The following SPOCK1 variants were observed in gnomAD, a reference collection of about 807,000 sequenced individuals.
SPOCK1 encodes SPARC (osteonectin), cwcv and kazal like domains proteoglycan 1.
Under a neutral mutation model 55.3 loss-of-function variants are expected in SPOCK1, and 23 were observed. That is an observed-to-expected ratio of 0.42 (90% CI 0.30 to 0.59). The LOEUF is 0.59. Among genes scored for constraint, SPOCK1 ranks in the 20% least tolerant of loss-of-function variants. The pLI, the probability that SPOCK1 is intolerant of heterozygous loss-of-function variation, is 0.22. For missense variants in SPOCK1, 499 were observed against 552.5 expected, an observed-to-expected ratio of 0.90 and a Z score of 0.97; for synonymous variants, 226 against 221.0, an observed-to-expected ratio of 1.02 and a Z score of -0.20.
chr5:137,438,991 T>G (rs984482641), intron 2 of SPOCK1, among the ~76,000 whole-genome samples: 4 of 152,220 alleles, frequency 2.6e-5, no homozygotes, highest in Admixed American at 6.5e-5. Flanking sequence ...GCACACACTT[T>G]GGAGTCAGAT....
chr5:137,027,774 T>C (rs1751705640), intron 6 of SPOCK1, among the ~76,000 whole-genome samples: 2 of 151,934 alleles, frequency 1.3e-5, no homozygotes, highest in Admixed American at 6.6e-5. Context: ...CCTGCCCCCA[T>C]ACACACCACC....
chr5:137,113,090 A>G (rs1163771899), intron 4 of SPOCK1, among the ~76,000 whole-genome samples: 1 of 152,200 alleles, frequency 6.6e-6, no homozygotes, highest in East Asian at 1.9e-4. Context: ...TTTTAAAGTA[A>G]TTTCAGTCCA....
At chr5:137,425,034 T>G (rs1362407747) in intron 2 of SPOCK1, among the ~76,000 whole-genome samples, 2 of 152,246 alleles carry the variant, frequency 1.3e-5, no homozygotes, top group Non-Finnish European at 2.9e-5. Flanking sequence ...AAGCTTCCCA[T>G]TCTAGAACTT....
At chr5:137,159,909 T>C (rs1446894050) in intron 3 of SPOCK1, among the ~76,000 whole-genome samples, 1 of 152,184 alleles carries the variant, frequency 6.6e-6, no homozygotes, top group Non-Finnish European at 1.5e-5. Flanking sequence ...TCCATGTCTA[T>C]ATTTTATTGG....
intron 3 of SPOCK1, among the ~76,000 whole-genome samples, chr5:137,189,381 A>G (rs1482496706): frequency 2.0e-5 from 3 of 152,234 alleles, no homozygotes; most frequent in African/African-American, 7.2e-5. Flanking sequence ...AGTTGAAGCC[A>G]GTGCTCATTT....
intron 3 of SPOCK1, among the ~76,000 whole-genome samples, chr5:137,168,676 G>C (rs1180475578): frequency 6.6e-6 from 1 of 152,086 alleles, no homozygotes. Flanking sequence ...CTCTAGTTAA[G>C]ATGGCTTTTT....
intron 2 of SPOCK1, among the ~76,000 whole-genome samples, chr5:137,485,721 AACAC>A (rs1006175038): frequency 6.6e-6 from 1 of 152,232 alleles, no homozygotes; most frequent in Non-Finnish European, 1.5e-5. Context: ...AAATTTTAAA[AACAC>A]ACACACAAAA....
Position 137,345,504 on chromosome 5 carries a change from G to C in SPOCK1, c.187-78449C>G, listed in dbSNP as rs900771951. ...TTTGCTCTATCCAAGAATCACCTAG[G>C]GCTTGGTCAAAATACAGGCTTTCCC... On this transcript the variant is annotated intron_variant, in intron 2 of 10. Coordinates refer to ENST00000394945, the MANE Select transcript of SPOCK1 (RefSeq NM_004598.4). Among the ~76,000 whole-genome samples, 78 of 152,124 alleles carry C rather than the reference G, an allele frequency of 5.1e-4. 1 individual carries two copies. The highest frequency in any genetic ancestry group is 1.5e-4 in the Non-Finnish European group (10 of 68,022).
chr5:137,181,944 G>T (rs975360462), intron 3 of SPOCK1, among the ~76,000 whole-genome samples: 1 of 152,164 alleles, frequency 6.6e-6, no homozygotes, highest in East Asian at 1.9e-4. Flanking sequence ...AGGCCCCAAG[G>T]CACTCCTCTG....
chr5:137,328,826 C>T (rs1408379354), intron 2 of SPOCK1, among the ~76,000 whole-genome samples: 1 of 152,138 alleles, frequency 6.6e-6, no homozygotes, highest in Non-Finnish European at 1.5e-5. Flanking sequence ...TAAACGACAT[C>T]GTCTCTGTAT....
chr5:137,497,975 C>A (rs1018981154), intron 2 of SPOCK1, among the ~76,000 whole-genome samples: 1 of 152,114 alleles, frequency 6.6e-6, no homozygotes, highest in Non-Finnish European at 1.5e-5. Flanking sequence ...ATGGTCCACG[C>A]CACCGCTGCC....
chr5:137,042,065 GT>G (rs1221706871), intron 6 of SPOCK1, among the ~76,000 whole-genome samples: 8 of 152,090 alleles, frequency 5.3e-5, no homozygotes, highest in African/African-American at 1.9e-4. Context: ...CCTTCAATAT[GT>G]GAATGGATAA....
intron 2 of SPOCK1, among the ~76,000 whole-genome samples, chr5:137,344,731 G>T (rs530714018): frequency 6.6e-6 from 1 of 152,144 alleles, no homozygotes; most frequent in Non-Finnish European, 1.5e-5. Context: ...TGGGCATAAG[G>T]TTTCACATAA....
chr5:137,405,096 C>A (rs567350067), intron 2 of SPOCK1, among the ~76,000 whole-genome samples: 1 of 152,132 alleles, frequency 6.6e-6, no homozygotes, highest in Non-Finnish European at 1.5e-5. Context: ...TCACCTATAG[C>A]GCCAGAAAAT....
intron 2 of SPOCK1, among the ~76,000 whole-genome samples, chr5:137,284,795 G>A (rs1342505197): frequency 6.6e-6 from 1 of 152,152 alleles, no homozygotes; most frequent in East Asian, 1.9e-4. Flanking sequence ...GGGAAAGGAG[G>A]GGTGGGTTCA....
chr5:137,041,158 A>C (rs578229965), intron 6 of SPOCK1, among the ~76,000 whole-genome samples: 1 of 152,356 alleles, frequency 6.6e-6, no homozygotes, highest in Admixed American at 6.5e-5. Context: ...AAAAATAAAC[A>C]GATTAATGGA....
At chr5:137,176,879 T>C (rs773662479) in intron 3 of SPOCK1, among the ~76,000 whole-genome samples, 39 of 152,128 alleles carry the variant, frequency 2.6e-4, no homozygotes, top group Non-Finnish European at 5.0e-4. Flanking sequence ...CTAATTGGCA[T>C]TTGTGGTGGT....
rs114808554 is a variant in SPOCK1, at chr5:137,155,887, G to A, written c.233-15193C>T. ...CTGTTAGAGGGCAGACCCACTGGGC[G>A]GCCTTGCTCCCTCCTGAAAAGTTTC... On this transcript the variant is annotated intron_variant, in intron 3 of 10. Coordinates refer to ENST00000394945, the MANE Select transcript of SPOCK1 (RefSeq NM_004598.4). Among the ~76,000 whole-genome samples, 1,130 of 152,314 alleles carry A rather than the reference G, an allele frequency of 7.4e-3. 22 individuals are homozygous for A. The highest frequency in any genetic ancestry group is 0.025 in the African/African-American group (1,058 of 41,572).
intron 5 of SPOCK1, among the ~76,000 whole-genome samples, chr5:137,110,675 A>G (rs1161494679): frequency 6.6e-6 from 1 of 152,210 alleles, no homozygotes; most frequent in Non-Finnish European, 1.5e-5. Context: ...CTATTGAGAA[A>G]GGCTATAATC....
Sources: allele counts gnomAD v4.1 joint callset (sites outside exome capture counted in the v4.1 genomes callset), GRCh38; gene constraint gnomAD v4.1.1; transcripts MANE v1.5; gene names NCBI Gene and HGNC (gene_info 2026-07-23, HGNC 2026-07-21).